The following UNC80 variants were observed in gnomAD, a reference collection of about 807,000 sequenced individuals.
UNC80 encodes the protein protein unc-80 homolog.
A neutral mutation model predicts 384.6 loss-of-function variants in UNC80; 164 were observed. The observed-to-expected ratio is 0.43, with a 90% CI of 0.38 to 0.49. The LOEUF is 0.49. Ranked by LOEUF, UNC80 falls within the 20% of genes least tolerant of loss-of-function variation. The pLI, the probability that UNC80 is intolerant of heterozygous loss-of-function variation, is 0.00. For synonymous variants in UNC80, 1,486 were observed against 1,527.8 expected (o/e 0.97, Z 0.64); for missense variants, 3,330 against 4,143.0 (o/e 0.80, Z 5.39).
intron 50 of UNC80, 109 bp downstream of exon 50, chr2:209,959,263 T>C (rs2092514203): frequency 2.2e-6 from 3 of 1,354,066 alleles, no homozygotes; most frequent in Non-Finnish European, 3.1e-6. Flanking sequence ...TAACATACTA[T>C]TTCTGGGTAA....
At chr2:209,961,700 A>G (rs2092596171) in intron 51 of UNC80, among the ~76,000 whole-genome samples, 2 of 152,224 alleles carry the variant, frequency 1.3e-5, no homozygotes, top group Admixed American at 6.5e-5. Context: ...AAATAAGTTA[A>G]AAACAAAACA....
At chr2:209,801,896 T>G (rs2078587340) in intron 7 of UNC80, among the ~76,000 whole-genome samples, 1 of 152,142 alleles carries the variant, frequency 6.6e-6, no homozygotes, top group Admixed American at 6.5e-5. Context: ...AATATGTAAA[T>G]AATGTATATG....
rs2087717500 is a variant in UNC80, at chr2:209,903,495, T to TTATATATAGTATATATGTAATATATATAC, written c.4582-1261_4582-1233dup. On this transcript the variant is annotated intron_variant, in intron 28 of 64. Coordinates refer to ENST00000673920, the MANE Select transcript of UNC80 (RefSeq NM_001371986.1). Reference sequence around the variant, plus strand: ...ATATAGTATATATGTAATATATATATTATATATAGTATATATGTAATATAT... The same window carrying TTATATATAGTATATATGTAATATATATAC: ...ATATAGTATATATGTAATATATATATTATATATAGTATATATGTAATATATATACTATATATAGTATATATGTAATATAT... 6.3e-3 allele frequency among the ~76,000 whole-genome samples: 15 copies of TTATATATAGTATATATGTAATATATATAC among 2,390 alleles called. 1 individual carries two copies. The highest frequency in any genetic ancestry group is 0.012 in the Non-Finnish European group (10 of 834). 1.6% of individuals were successfully genotyped at this position (2,390 alleles called of 152,430 possible).
Position 209,840,595 on chromosome 2 carries a change from C to A in UNC80, c.3304C>A (p.Leu1102Ile), listed in dbSNP as rs909966679. 10 of 1,551,790 alleles carry A rather than the reference C, an allele frequency of 6.4e-6. No individual in the cohort carries two copies. Among genetic ancestry groups the A allele is most frequent in the Admixed American group, 5.9e-5 (3 of 50,986 alleles). ...LSGLADGVED[L>I]LDISSVDRLS... ...AGGCCTGGCAGATGGTGTGGAGGAC[C>A]TCCTGGACATTAGCTCTGTGGACCG... is the stretch of plus-strand genomic sequence containing the variant. Residue 1102 changes from leucine (L) to isoleucine (I), a missense_variant, in exon 20 of 65, where the codon CTC becomes ATC. Transcript: ENST00000673920.
intron 4 of UNC80, among the ~76,000 whole-genome samples, chr2:209,778,953 A>G (rs73074778): frequency 0.15 from 22,286 of 152,186 alleles, 2,460 homozygotes; most frequent in African/African-American, 0.3. Context: ...TTCACTTTCC[A>G]TTAACTCTGT....
chr2:209,787,787 A>T (rs11679862), intron 5 of UNC80, among the ~76,000 whole-genome samples: 22,249 of 152,092 alleles, frequency 0.15, 2,418 homozygotes, highest in African/African-American at 0.3. Context: ...TGTATTTACT[A>T]TACCATACTT....
chr2:209,812,307 G>A (rs758452454), intron 7 of UNC80, among the ~76,000 whole-genome samples: 1 of 150,878 alleles, frequency 6.6e-6, no homozygotes, highest in African/African-American at 2.4e-5. Flanking sequence ...TGATCCGTCC[G>A]CCTCGGCCTC....
At position 209,917,894 on chromosome 2, in the gene UNC80, C is replaced by T. The variant is rs1337709618; in HGVS notation, c.5147C>T (p.Thr1716Met). 13 of 1,551,676 alleles carry T rather than the reference C, an allele frequency of 8.4e-6. No homozygotes were observed. Among genetic ancestry groups the T allele is most frequent in the East Asian group, 2.4e-5 (1 of 40,934 alleles). ...CTGAACGCTGTCCTCAAGTTCCACA[C>T]GCTCTGGAGGTTTCGCTATCAGGTC... The part of the protein sequence containing the change: ...QRLNAVLKFH[T>M]LWRFRYQVWP... The change falls in exon 32 of 65, where the codon ACG becomes ATG. Residue 1716 changes from threonine to methionine, a missense_variant. Thr to Met is a moderately conservative substitution (Grantham distance 81). Coordinates refer to ENST00000673920, the MANE Select transcript of UNC80 (RefSeq NM_001371986.1).
At position 209,992,191 on chromosome 2, in the gene UNC80, G is replaced by T; in HGVS notation, c.9340G>T (p.Gly3114Cys). Residue 3114 changes from glycine to cysteine, a missense_variant, in exon 62 of 65, where the codon GGT (glycine) becomes TGT (cysteine). Physicochemically the swap from Gly to Cys is radical, Grantham distance 159 (BLOSUM62 -3). Around this residue, in one of 8 missense-constraint regions of UNC80, gnomAD observed 3 missense variants for 18.1 expected, o/e 0.17. Coordinates refer to ENST00000673920, the MANE Select transcript of UNC80 (RefSeq NM_001371986.1). ...GGTGGCAAGTATACAGAGTGAACCT[G>T]GTCAACAGAACCTCCTTGTTCAGCA... ...SRVASIQSEP[G>C]QQNLLVQQPL... 6.4e-7 allele frequency: 1 copy of T among 1,551,588 alleles called. No homozygotes were observed. Among genetic ancestry groups the T allele is most frequent in the Non-Finnish European group, 8.7e-7 (1 of 1,146,948 alleles).
At chr2:209,791,070 G>A (rs1574458411) in intron 6 of UNC80, among the ~76,000 whole-genome samples, 1 of 151,700 alleles carries the variant, frequency 6.6e-6, no homozygotes, top group South Asian at 2.1e-4. Context: ...TCTTCTTTTC[G>A]TTATGTTGCT....
At chr2:209,887,949 G>C (rs1270080954) in intron 25 of UNC80, 146 bp from the exon 26 acceptor site, 1 of 654,258 alleles carries the variant, frequency 1.5e-6, no homozygotes, top group African/African-American at 1.8e-5. Flanking sequence ...GATTTGCATG[G>C]TCACAATCTA....
chr2:209,879,354 C>G (rs553894270), intron 24 of UNC80, among the ~76,000 whole-genome samples: 1 of 152,142 alleles, frequency 6.6e-6, no homozygotes, highest in Non-Finnish European at 1.5e-5. Flanking sequence ...GTGCATCCTC[C>G]TAGGCCAAAA....
chr2:209,887,490 G>A (rs540429533), intron 25 of UNC80, among the ~76,000 whole-genome samples: 5 of 152,262 alleles, frequency 3.3e-5, no homozygotes, highest in South Asian at 2.1e-4. Flanking sequence ...CAATCTTAAG[G>A]TCCTTAGCCT....
intron 50 of UNC80, 50 bp from the exon 51 acceptor site, chr2:209,959,439 C>G (rs762576417): frequency 3.3e-5 from 50 of 1,510,558 alleles, no homozygotes; most frequent in Non-Finnish European, 4.2e-5. Context: ...CTCACAGCTG[C>G]TACATGAATA....
chr2:209,858,280 A>G (rs1035223022), intron 22 of UNC80, among the ~76,000 whole-genome samples: 3 of 152,078 alleles, frequency 2.0e-5, no homozygotes, highest in African/African-American at 4.8e-5. Context: ...CTACCTTAAG[A>G]TATGTTTTTC....
At chr2:209,874,126 T>G (rs1347467432) in intron 23 of UNC80, among the ~76,000 whole-genome samples, 1 of 152,208 alleles carries the variant, frequency 6.6e-6, no homozygotes, top group African/African-American at 2.4e-5. Context: ...AATATCTATT[T>G]TTGTAAATCG....
At chr2:209,910,786 A>C (rs539399053) in intron 29 of UNC80, among the ~76,000 whole-genome samples, 187 of 152,152 alleles carry the variant, frequency 1.2e-3, no homozygotes, top group African/African-American at 4.3e-3. Context: ...GAAAGTGGTA[A>C]AATATTTGCA....
Position 209,793,846 on chromosome 2 carries a change from C to T in UNC80, c.925C>T (p.Pro309Ser), listed in dbSNP as rs1559100597. The change falls in exon 7 of 65, where the codon CCA (proline) becomes TCA (serine). Residue 309 changes from proline to serine, a missense_variant. This residue lies in a region of UNC80 where 937 missense variants were observed against 1,026.8 expected (regional missense o/e 0.91). Coordinates refer to ENST00000673920, the MANE Select transcript of UNC80 (RefSeq NM_001371986.1). ...CTCCCAAACTTCCCAGGAAAGAGGC[C>T]CATCACATTCCAGGTACCTGATTGC... is the stretch of plus-strand genomic sequence containing the variant. ...LSSQTSQERG[P>S]SHSRASLVIP... 1 of 1,613,790 alleles carries T rather than the reference C, an allele frequency of 6.2e-7. No individual in the cohort carries two copies. The highest frequency in any genetic ancestry group is 1.7e-5 in the Admixed American group (1 of 59,974).
In UNC80 at chr2:209,772,141, G is replaced by T. The variant is rs906070422; in HGVS notation, c.69G>T (p.Gln23His). The T allele has an allele frequency of 1.3e-6, 2 of 1,547,604 alleles. No individual in the cohort carries two copies. Among genetic ancestry groups the T allele is most frequent in the Non-Finnish European group, 1.7e-6 (2 of 1,145,696 alleles). The change falls in exon 1 of 65, where the codon CAG becomes CAT. Residue 23 changes from glutamine (Q) to histidine (H), a missense_variant. Around this residue, in one of 8 missense-constraint regions of UNC80, gnomAD observed 86 missense variants for 141.5 expected, o/e 0.61. Coordinates refer to ENST00000673920, the MANE Select transcript of UNC80 (RefSeq NM_001371986.1). ...GCCGCGGCATCCCCCTGCCCATCCA[G>T]ACCTTCCTGTGGCGGCAAACCAGGT... The part of the protein sequence containing the change: ...DGGRGIPLPI[Q>H]TFLWRQTSAF...
Sources: gnomAD v4.1 joint callset for allele counts (sites outside exome capture counted in the v4.1 genomes callset) on GRCh38, gnomAD v4.1.1 for gene constraint, gnomAD v4.1.1 regional missense constraint, MANE v1.5 for transcripts, NCBI Gene and HGNC (gene_info 2026-07-23, HGNC 2026-07-21) for gene names.